Variants in ADCY3 observed in about 807,000 individuals in gnomAD.
ADCY3 encodes adenylate cyclase type 3.
A neutral mutation model predicts 119.4 loss-of-function variants in ADCY3; 70 were observed. The ratio of observed to expected loss-of-function variants is 0.59; its 90% CI spans 0.48 to 0.72. ADCY3 has a LOEUF of 0.72. Among genes scored for constraint, ADCY3 ranks in the 30% least tolerant of loss-of-function variants. The probability of loss-of-function intolerance (pLI) is 0.00; values close to 1 mark genes in which losing one functional copy is unlikely to be tolerated. For synonymous variants in ADCY3, 672 were observed against 621.4 expected (o/e 1.08, Z -1.21); for missense variants, 1,238 against 1,541.6 (o/e 0.80, Z 3.30).
chr2:24,919,001 T>A lies in ADCY3; in HGVS notation c.-14A>T. 2 of 1,541,728 alleles carry A rather than the reference T, an allele frequency of 1.3e-6. No homozygotes were observed. Among genetic ancestry groups the A allele is most frequent in the Non-Finnish European group, 1.7e-6 (2 of 1,148,400 alleles). ...GTTCCTCGGCATACTGGCTGGTGTCTGCTACTGGCCCTAGAGAAGTGGACT... is the reference window on the plus strand; with the variant it reads ...GTTCCTCGGCATACTGGCTGGTGTCAGCTACTGGCCCTAGAGAAGTGGACT... On this transcript the variant is annotated 5_prime_UTR_variant, in exon 2 of 22. Transcript: ENST00000679454. This position sits in a 1 kb window ranked among gnomAD's most constrained non-coding sequence, Gnocchi z 5.5.
rs11308691 is a variant in ADCY3 at position 24,823,690 on chromosome 2, C to CTT, written c.2737-337_2737-336dup. Among the ~76,000 whole-genome samples the CTT allele has an allele frequency of 8.6e-3, 1,135 of 132,614 alleles. 16 individuals carry two copies. The highest frequency in any genetic ancestry group is 0.012 in the Non-Finnish European group (758 of 63,130). 87.0% of individuals were successfully genotyped at this position (132,614 alleles called of 152,430 possible). On this transcript the variant is annotated intron_variant, in intron 17 of 21. Coordinates refer to ENST00000679454, the MANE Select transcript of ADCY3 (RefSeq NM_004036.5). ...ATAATTTAAAAATAGCTCATCGCTA[C>CTT]TTTTTTTTTTTTTTTTTGAGAGATG...
At chr2:24,884,891 C>G (rs1676850643) in intron 2 of ADCY3, among the ~76,000 whole-genome samples, 1 of 152,204 alleles carries the variant, frequency 6.6e-6, no homozygotes, top group Non-Finnish European at 1.5e-5. Context: ...AAAGCTCCAC[C>G]CACGGCGGTG....
At chr2:24,858,725 G>C (rs966209914) in intron 3 of ADCY3, among the ~76,000 whole-genome samples, 2 of 152,174 alleles carry the variant, frequency 1.3e-5, no homozygotes, top group African/African-American at 4.8e-5. Flanking sequence ...AATTCTGCTG[G>C]AGGATGTGGC....
chr2:24,896,810 G>T (rs932176959), intron 2 of ADCY3, among the ~76,000 whole-genome samples: 3 of 152,056 alleles, frequency 2.0e-5, no homozygotes, highest in African/African-American at 7.2e-5. Context: ...CTTAGAACTT[G>T]GTGTCTCCAA....
chr2:24,830,079 C>CTGTG (rs57908703), intron 13 of ADCY3, among the ~76,000 whole-genome samples: 3 of 146,768 alleles, frequency 2.0e-5, no homozygotes, highest in East Asian at 3.9e-4. Flanking sequence ...GTCTTGCTGT[C>CTGTG]GCCTAGGCTG....
At chr2:24,891,725 A>T (rs1019035532) in intron 2 of ADCY3, among the ~76,000 whole-genome samples, 3 of 152,216 alleles carry the variant, frequency 2.0e-5, no homozygotes, top group African/African-American at 7.2e-5. Context: ...TGCAAAAGTA[A>T]CAGCTACAGT....
chr2:24,833,123 GCTCA>G (rs1020065789), intron 11 of ADCY3, among the ~76,000 whole-genome samples: 3 of 152,230 alleles, frequency 2.0e-5, no homozygotes, highest in Non-Finnish European at 2.9e-5. Flanking sequence ...CTCCCGCTGT[GCTCA>G]CTAAGCGCTG....
At chr2:24,833,254 G>A (rs181738291) in intron 11 of ADCY3, among the ~76,000 whole-genome samples, 1 of 152,276 alleles carries the variant, frequency 6.6e-6, no homozygotes, top group African/African-American at 2.4e-5. Context: ...GTGGCGTGTA[G>A]GAGGCCCCAC....
intron 2 of ADCY3, among the ~76,000 whole-genome samples, chr2:24,884,789 C>T (rs544043318): frequency 1.3e-5 from 2 of 151,908 alleles, no homozygotes; most frequent in African/African-American, 2.4e-5. Flanking sequence ...CATTTTCTAA[C>T]AGTCTTCTGA....
At position 24,919,937 on chromosome 2, in the gene ADCY3, T is replaced by G. The variant is rs10176214; in HGVS notation, c.-452A>C. On this transcript the variant is annotated 5_prime_UTR_variant, in exon 1 of 22. Coordinates refer to ENST00000679454, the MANE Select transcript of ADCY3 (RefSeq NM_004036.5). This position sits in a 1 kb window ranked among gnomAD's most constrained non-coding sequence, Gnocchi z 5.5. The stretch of plus-strand genomic sequence containing the variant: ...GCGGCGACGAGGGCTGGGAGATCCG[T>G]GGGCGCCGGCCCAGCGCGCCCGCCC... 31,573 of 149,582 alleles carry G rather than the reference T, an allele frequency of 0.21. 3,601 individuals carry two copies. Among genetic ancestry groups the G allele is most frequent in the African/African-American group, 0.28 (11,435 of 41,150 alleles). 9.3% of individuals were successfully genotyped at this position (149,582 alleles called of 1,614,324 possible). A position where few individuals can be genotyped will look rare whatever the true frequency, so the allele number is the denominator to read the frequency against.
chr2:24,849,679 TA>T (rs1672062226), intron 3 of ADCY3, among the ~76,000 whole-genome samples: 1 of 152,132 alleles, frequency 6.6e-6, no homozygotes, highest in African/African-American at 2.4e-5. Context: ...GTCATTCTGG[TA>T]ACAAGACGAG....
intron 3 of ADCY3, among the ~76,000 whole-genome samples, chr2:24,848,745 G>T (rs1671944850): frequency 6.6e-6 from 1 of 152,208 alleles, no homozygotes; most frequent in South Asian, 2.1e-4. Context: ...GTGACTGAGG[G>T]TGTGGAGACA....
intron 21 of ADCY3, 141 bp downstream of exon 21, chr2:24,820,583 C>G (rs950657847): frequency 3.6e-5 from 53 of 1,468,980 alleles, no homozygotes; most frequent in East Asian, 4.6e-5. Context: ...TGCAGAGATT[C>G]TTTTCCACTT....
chr2:24,875,732 A>G (rs1675609053), intron 2 of ADCY3, among the ~76,000 whole-genome samples: 1 of 152,192 alleles, frequency 6.6e-6, no homozygotes, highest in African/African-American at 2.4e-5. Flanking sequence ...ATTAAGTCCT[A>G]GACACAAGCA....
At chr2:24,859,829 T>G (rs1405652267) in intron 3 of ADCY3, among the ~76,000 whole-genome samples, 1 of 152,088 alleles carries the variant, frequency 6.6e-6, no homozygotes, top group African/African-American at 2.4e-5. Flanking sequence ...AAGACCTGAA[T>G]GGAAACCCAC....
intron 3 of ADCY3, among the ~76,000 whole-genome samples, chr2:24,866,556 C>G (rs1312238580): frequency 2.4e-5 from 3 of 126,988 alleles, no homozygotes; most frequent in African/African-American, 9.4e-5. Flanking sequence ...CAAAGCAAGA[C>G]CCTGTCTCAA....
In ADCY3 at chr2:24,841,674, G is replaced by A. The variant is rs1487312914; in HGVS notation, c.957-7C>T. On this transcript the variant is annotated splice_polypyrimidine_tract_variant and splice_region_variant and intron_variant, in intron 4 of 21. Coordinates refer to ENST00000679454, the MANE Select transcript of ADCY3 (RefSeq NM_004036.5). The surrounding 1 kb of genome is among the most constrained non-coding windows in gnomAD (Gnocchi z 5.8). ...GATGTCGGCAAAGAGGATGCTGCAT[G>A]AGGAAGGAACCGTGGGGGTGACGCT... 6.2e-7 allele frequency: 1 copy of A among 1,611,442 alleles called. No homozygotes were observed. The highest frequency in any genetic ancestry group is 8.5e-7 in the Non-Finnish European group (1 of 1,178,288).
At chr2:24,903,817 G>A (rs1558519075) in intron 2 of ADCY3, among the ~76,000 whole-genome samples, 1 of 152,178 alleles carries the variant, frequency 6.6e-6, no homozygotes. Context: ...GAAGCCTCAG[G>A]TGTTGTGCGT....
At chr2:24,852,484 C>T (rs983846808) in intron 3 of ADCY3, among the ~76,000 whole-genome samples, 1 of 152,124 alleles carries the variant, frequency 6.6e-6, no homozygotes, top group Non-Finnish European at 1.5e-5. Context: ...GTGGGTCACC[C>T]GGCCTCCCCG....
Sources: allele counts gnomAD v4.1 joint callset (sites outside exome capture counted in the v4.1 genomes callset), GRCh38; gene constraint gnomAD v4.1.1; non-coding constraint Gnocchi (gnomAD v3.1); transcripts MANE v1.5; gene names NCBI Gene and HGNC (gene_info 2026-07-23, HGNC 2026-07-21).